Variants in FSTL4 observed in about 807,000 individuals in gnomAD.
FSTL4 encodes follistatin like 4.
Under a neutral mutation model 78.2 loss-of-function variants are expected in FSTL4, and 28 were observed. The ratio of observed to expected loss-of-function variants is 0.36; its 90% CI spans 0.27 to 0.49. The LOEUF is 0.49. Ranked by LOEUF, FSTL4 falls within the 20% of genes least tolerant of loss-of-function variation. The pLI is 0.98. For synonymous variants in FSTL4, 422 were observed against 440.5 expected (o/e 0.96, Z 0.53); for missense variants, 922 against 1,084.9 (o/e 0.85, Z 2.11).
At chr5:133,374,469 A>G (rs1755384989) in intron 4 of FSTL4, among the ~76,000 whole-genome samples, 1 of 152,148 alleles carries the variant, frequency 6.6e-6, no homozygotes, top group South Asian at 2.1e-4. Context: ...TTCTAGAAAG[A>G]AATTGTGACA....
chr5:133,295,708 C>T (rs1322022821), intron 6 of FSTL4, among the ~76,000 whole-genome samples: 1 of 152,188 alleles, frequency 6.6e-6, no homozygotes, highest in Non-Finnish European at 1.5e-5. Flanking sequence ...ACTGAGCTTT[C>T]AGCACTTGGG....
the FSTL4 span, among the ~76,000 whole-genome samples, chr5:133,639,176 T>A: frequency 5.9e-5 from 9 of 152,056 alleles, no homozygotes; most frequent in African/African-American, 2.2e-4. Flanking sequence ...CCTCCCTGTG[T>A]CCATCATTCT....
At chr5:133,335,633 T>A (rs1754447502) in intron 4 of FSTL4, among the ~76,000 whole-genome samples, 1 of 151,096 alleles carries the variant, frequency 6.6e-6, no homozygotes, top group Non-Finnish European at 1.5e-5. Flanking sequence ...TTCAATTTCT[T>A]TTTTTTTCTA....
At chr5:133,747,063 G>C in the FSTL4 span, among the ~76,000 whole-genome samples, 1 of 152,170 alleles carries the variant, frequency 6.6e-6, no homozygotes, top group African/African-American at 2.4e-5. Flanking sequence ...TTCGGCCATA[G>C]AGCACCCAGC....
At chr5:133,774,431 C>T in the FSTL4 span, among the ~76,000 whole-genome samples, 2 of 152,108 alleles carry the variant, frequency 1.3e-5, no homozygotes, top group African/African-American at 2.4e-5. Flanking sequence ...ATGCTGTAAA[C>T]GTCCTAGAAT....
At position 133,199,166 on chromosome 5, in the gene FSTL4, GTC is replaced by G; in HGVS notation, c.2456_2457del (p.Arg819ThrfsTer7). ...GACACCTCACACCGCAGCGTGTTTT[GTC>G]TCCCATTGATGAGGAACAGTGACTC... ...ARESLFLINGRQNTLRCEVSG... is the reference protein window; with the variant it reads ...ARESLFLINGXQNTLRCEVSG... On this transcript the variant is annotated frameshift_variant, in exon 16 of 16. Transcript: ENST00000265342. LOFTEE classifies it high-confidence loss of function. The surrounding 1 kb of genome is among the most constrained non-coding windows in gnomAD (Gnocchi z 4.4). 1 of 1,607,932 alleles carries G rather than the reference GTC, an allele frequency of 6.2e-7. No homozygotes were observed. The highest frequency in any genetic ancestry group is 1.1e-5 in the South Asian group (1 of 90,602).
At chr5:133,570,625 A>G (rs1760135282) in intron 2 of FSTL4, among the ~76,000 whole-genome samples, 1 of 152,222 alleles carries the variant, frequency 6.6e-6, no homozygotes, top group African/African-American at 2.4e-5. Context: ...TCCTAGGGAC[A>G]TTGTGAAAAT....
At chr5:133,268,743 T>A (rs935640074) in intron 6 of FSTL4, among the ~76,000 whole-genome samples, 6 of 152,152 alleles carry the variant, frequency 3.9e-5, no homozygotes, top group Non-Finnish European at 8.8e-5. Flanking sequence ...AGTGAAGGTA[T>A]CCGATGGTAT....
intron 3 of FSTL4, among the ~76,000 whole-genome samples, chr5:133,503,110 G>A (rs557004593): frequency 6.6e-6 from 1 of 152,192 alleles, no homozygotes; most frequent in African/African-American, 2.4e-5. Context: ...TCGCTCATTA[G>A]CAGAAAGGGC....
At chr5:133,304,518 A>G (rs1313791065) in intron 6 of FSTL4, among the ~76,000 whole-genome samples, 1 of 152,184 alleles carries the variant, frequency 6.6e-6, no homozygotes, top group Non-Finnish European at 1.5e-5. Context: ...TTTCTTTGCA[A>G]TTTGTATATA....
chr5:133,541,927 G>GACACACACACACACACACACACAC lies in FSTL4; in HGVS notation c.160+25235_160+25258dup, dbSNP rs61471971. Among the ~76,000 whole-genome samples, 317 of 148,330 alleles carry GACACACACACACACACACACACAC rather than the reference G, an allele frequency of 2.1e-3. 2 individuals are homozygous for GACACACACACACACACACACACAC. Among genetic ancestry groups the GACACACACACACACACACACACAC allele is most frequent in the East Asian group, 0.021 (103 of 4,988 alleles). On this transcript the variant is annotated intron_variant, in intron 3 of 15. Coordinates refer to ENST00000265342, the MANE Select transcript of FSTL4 (RefSeq NM_015082.2). Reference sequence around the variant, plus strand: ...GCACACAGAGCTAGAGAATGTTACAGACACACACACACACACACACACACT... The same window carrying GACACACACACACACACACACACAC: ...GCACACAGAGCTAGAGAATGTTACAGACACACACACACACACACACACACACACACACACACACACACACACACT...
intron 4 of FSTL4, among the ~76,000 whole-genome samples, chr5:133,334,364 T>C (rs988551865): frequency 6.6e-6 from 1 of 152,172 alleles, no homozygotes; most frequent in Non-Finnish European, 1.5e-5. Flanking sequence ...GGCACCCCTC[T>C]AAGTGGCAGT....
intron 7 of FSTL4, chr5:133,248,782 A>G (rs1752123133): frequency 6.5e-6 from 1 of 152,804 alleles, no homozygotes; most frequent in African/African-American, 2.4e-5. Flanking sequence ...TCCACACAGC[A>G]CCACTTAACT....
the FSTL4 span, among the ~76,000 whole-genome samples, chr5:133,745,227 G>A: frequency 5.3e-3 from 810 of 152,324 alleles, 6 homozygotes; most frequent in African/African-American, 0.018. Flanking sequence ...ATGGAAATAC[G>A]CCAAGGGCCT....
chr5:133,312,050 T>C (rs1316319127), intron 6 of FSTL4, among the ~76,000 whole-genome samples: 1 of 152,178 alleles, frequency 6.6e-6, no homozygotes, highest in Non-Finnish European at 1.5e-5. Context: ...AAGTAAAAGA[T>C]ACAGGTCCTG....
chr5:133,574,074 T>C (rs1580798503), intron 2 of FSTL4, among the ~76,000 whole-genome samples: 1 of 152,204 alleles, frequency 6.6e-6, no homozygotes, highest in African/African-American at 2.4e-5. Flanking sequence ...TATTAAAAGA[T>C]AGGATCAAGA....
At chr5:133,216,444 C>T (rs1381605479) in intron 13 of FSTL4, among the ~76,000 whole-genome samples, 12 of 146,310 alleles carry the variant, frequency 8.2e-5, no homozygotes, top group East Asian at 2.0e-4. Flanking sequence ...CTCGGCCTCC[C>T]GTCAAGTGAT....
At chr5:133,531,574 C>T (rs930272380) in intron 3 of FSTL4, among the ~76,000 whole-genome samples, 71 of 152,188 alleles carry the variant, frequency 4.7e-4, no homozygotes, top group Non-Finnish European at 6.9e-4. Context: ...GGCCTCTCAG[C>T]TCTGGGGAAT....
chr5:133,681,959 T>C, the FSTL4 span, among the ~76,000 whole-genome samples: 2 of 152,144 alleles, frequency 1.3e-5, no homozygotes, highest in African/African-American at 4.8e-5. Flanking sequence ...ATGGAGAAAG[T>C]GGGCTGTTGC....
Sources: gnomAD v4.1 joint callset for allele counts (sites outside exome capture counted in the v4.1 genomes callset) on GRCh38, gnomAD v4.1.1 for gene constraint, Gnocchi (gnomAD v3.1) non-coding constraint, MANE v1.5 for transcripts, NCBI Gene and HGNC (gene_info 2026-07-23, HGNC 2026-07-21) for gene names.